Variants in RMST observed in about 807,000 individuals in gnomAD.
RMST encodes rhabdomyosarcoma 2 associated transcript.
chr12:97,464,000 G>A (rs1268898687), intron 4 of RMST, among the ~76,000 whole-genome samples: 2 of 151,994 alleles, frequency 1.3e-5, no homozygotes, highest in Admixed American at 6.6e-5. Flanking sequence ...TTATACTTTC[G>A]AGGAAATAAG....
chr12:97,511,974 T>C (rs1879357477), intron 10 of RMST, among the ~76,000 whole-genome samples: 2 of 152,210 alleles, frequency 1.3e-5, no homozygotes, highest in Admixed American at 6.5e-5. Context: ...TTAGTCTCAC[T>C]TCAAGAATGA....
intron 10 of RMST, among the ~76,000 whole-genome samples, chr12:97,498,104 C>T (rs1244000130): frequency 6.6e-6 from 1 of 152,120 alleles, no homozygotes; most frequent in Non-Finnish European, 1.5e-5. Flanking sequence ...GGTGTTTCCC[C>T]AAGCAAGTTT....
chr12:97,516,154 T>G (rs1357832728), intron 10 of RMST, among the ~76,000 whole-genome samples: 4 of 152,060 alleles, frequency 2.6e-5, no homozygotes, highest in Non-Finnish European at 5.9e-5. Context: ...GACTATTTCT[T>G]TTTATCATAT....
At chr12:97,482,751 T>TAAA (rs1875546833) in intron 5 of RMST, among the ~76,000 whole-genome samples, 1 of 42,068 alleles carries the variant, frequency 2.4e-5, no homozygotes, top group African/African-American at 8.2e-5. Flanking sequence ...TATTTATTTA[T>TAAA]TAAATAAATT....
At chr12:97,532,657 T>TG (rs1386993449) in intron 11 of RMST, 18 of 149,906 alleles carry the variant, frequency 1.2e-4, no homozygotes, top group Non-Finnish European at 2.4e-4. Context: ...TTTTTTTTTT[T>TG]TTTTTTTTTT....
At chr12:97,524,658 C>T (rs1349449091) in intron 10 of RMST, among the ~76,000 whole-genome samples, 1 of 152,162 alleles carries the variant, frequency 6.6e-6, no homozygotes, top group Non-Finnish European at 1.5e-5. Flanking sequence ...CAACAGGTTG[C>T]CTAGGATCAC....
At chr12:97,497,328 G>A (rs1034775960) in intron 10 of RMST, among the ~76,000 whole-genome samples, 2 of 152,178 alleles carry the variant, frequency 1.3e-5, no homozygotes, top group Admixed American at 1.3e-4. Flanking sequence ...TCTGTAGCCA[G>A]TTTGGCCTCA....
intron 5 of RMST, among the ~76,000 whole-genome samples, chr12:97,485,694 C>A (rs1876010301): frequency 6.6e-6 from 1 of 152,202 alleles, no homozygotes; most frequent in Admixed American, 6.5e-5. Context: ...CCTCAGGAAG[C>A]ATAAACGGTT....
chr12:97,481,133 T>C (rs1461641986), intron 5 of RMST, among the ~76,000 whole-genome samples: 1 of 152,228 alleles, frequency 6.6e-6, no homozygotes, highest in Non-Finnish European at 1.5e-5. Context: ...CATGTAAGGA[T>C]GCATTTATAT....
chr12:97,519,253 G>C (rs1424182282), intron 10 of RMST, among the ~76,000 whole-genome samples: 2 of 152,200 alleles, frequency 1.3e-5, no homozygotes, highest in Non-Finnish European at 2.9e-5. Context: ...CACTGTAAAA[G>C]TGTGTTGGTT....
intron 11 of RMST, among the ~76,000 whole-genome samples, chr12:97,556,258 C>T (rs898711223): frequency 7.2e-5 from 11 of 152,128 alleles, no homozygotes; most frequent in African/African-American, 2.2e-4. Flanking sequence ...AATATTAAAG[C>T]GGCAAAAATA....
chr12:97,529,650 A>G (rs1592748812), intron 10 of RMST, among the ~76,000 whole-genome samples: 1 of 152,120 alleles, frequency 6.6e-6, no homozygotes, highest in South Asian at 2.1e-4. Flanking sequence ...AAATTGCATC[A>G]AGATAACGGC....
chr12:97,491,560 A>G (rs1463749457), intron 5 of RMST: 1 of 178,046 alleles, frequency 5.6e-6, no homozygotes, highest in South Asian at 1.3e-4. Context: ...CTCTATTAAT[A>G]TAAGATTAGC....
At chr12:97,510,649 C>CA (rs1330976109) in intron 10 of RMST, among the ~76,000 whole-genome samples, 1 of 152,186 alleles carries the variant, frequency 6.6e-6, no homozygotes. Context: ...ATTCATTAGT[C>CA]AAAGTTGCCA....
At position 97,498,979 on chromosome 12, in the gene RMST, A is replaced by T. The variant is rs1040909976; in HGVS notation, n.1340+2923A>T. Among the ~76,000 whole-genome samples, 4 of 152,204 alleles carry T rather than the reference A, an allele frequency of 2.6e-5. No individual in the cohort carries two copies. The East Asian group carries it at 7.7e-4, about 29-fold the overall frequency. ...CCTGGCCTTCAGGAGCTCTCCTCAG[A>T]GTGGTAATGGTTAAGTGGGCCAATG... is the stretch of plus-strand genomic sequence containing the variant. On this transcript the variant is annotated intron_variant and non_coding_transcript_variant, in intron 10 of 13. Transcript: ENST00000640149.
intron 10 of RMST, chr12:97,530,312 G>A (rs895611705): frequency 1.2e-4 from 19 of 152,028 alleles, no homozygotes; most frequent in Admixed American, 9.2e-4. Flanking sequence ...CCTACTGTCT[G>A]AACTCAAAAC....
intron 10 of RMST, among the ~76,000 whole-genome samples, chr12:97,512,876 C>G (rs540082662): frequency 6.6e-6 from 1 of 152,172 alleles, no homozygotes; most frequent in African/African-American, 2.4e-5. Context: ...CAGGAGCCCA[C>G]GGAGGCGAGG....
intron 10 of RMST, among the ~76,000 whole-genome samples, chr12:97,506,976 C>A (rs368995120): frequency 2.0e-5 from 3 of 152,148 alleles, no homozygotes; most frequent in African/African-American, 7.2e-5. Context: ...GCCACTGCGC[C>A]CGGCCAGAGG....
intron 4 of RMST, chr12:97,465,041 A>T (rs1873014426): frequency 6.6e-6 from 1 of 152,118 alleles, no homozygotes; most frequent in African/African-American, 2.4e-5. Flanking sequence ...GATTCGGATG[A>T]TGCAGCTCTA....
Sources: gnomAD v4.1 joint callset for allele counts (sites outside exome capture counted in the v4.1 genomes callset) on GRCh38, gnomAD v4.1.1 for gene constraint, MANE v1.5 for transcripts, NCBI Gene and HGNC (gene_info 2026-07-23, HGNC 2026-07-21) for gene names.